Variants in ARG1 observed in about 807,000 individuals in gnomAD.
ARG1 encodes arginase 1.
In ARG1, 20 loss-of-function variants were observed where a neutral mutation model predicts 33.0. That is an observed-to-expected ratio of 0.61 (90% CI 0.43 to 0.88). The LOEUF is 0.88. Ranked by LOEUF, ARG1 falls within the 40% of genes least tolerant of loss-of-function variation. The pLI is 0.00. For synonymous variants in ARG1, 146 were observed against 140.6 expected (o/e 1.04, Z -0.27); for missense variants, 374 against 384.7 (o/e 0.97, Z 0.23).
In ARG1 at chr6:131,581,257, A is replaced by T. The variant is rs1773907667; in HGVS notation, c.344A>T (p.His115Leu). The T allele has an allele frequency of 1.2e-6, 2 of 1,613,744 alleles. No individual in the cohort carries two copies. The highest frequency in any genetic ancestry group is 1.7e-6 in the Non-Finnish European group (2 of 1,179,818). The change falls in exon 4 of 8, where the codon CAC becomes CTC. Residue 115 changes from histidine to leucine, a missense_variant. His to Leu is a moderately conservative substitution (Grantham distance 99, BLOSUM62 -3). Coordinates refer to ENST00000368087, the MANE Select transcript of ARG1 (RefSeq NM_000045.4). ...AGCATCTCTGGCCATGCCAGGGTCC[A>T]CCCTGATCTTGGAGTCATCTGGGTG... ...IGSISGHARV[H>L]PDLGVIWVDA...
rs142107090 is a variant in ARG1, at chr6:131,579,221, G to A, written c.241G>A (p.Ala81Thr). The change falls in exon 3 of 8, where the codon GCT becomes ACT. Residue 81 changes from alanine to threonine, a missense_variant. Coordinates refer to ENST00000368087, the MANE Select transcript of ARG1 (RefSeq NM_000045.4). Reference sequence around the variant, plus strand: ...TGTGGGAAAAGCAAGCGAGCAGCTGGCTGGCAAGGTGGCAGAAGTCAAGAA... The same window carrying A: ...TGTGGGAAAAGCAAGCGAGCAGCTGACTGGCAAGGTGGCAGAAGTCAAGAA... ...RSVGKASEQL[A>T]GKVAEVKKNG... 9 of 1,614,168 alleles carry A rather than the reference G, an allele frequency of 5.6e-6. No homozygotes were observed. Among genetic ancestry groups the A allele is most frequent in the Non-Finnish European group, 7.6e-6 (9 of 1,180,034 alleles).
At chr6:131,579,514 T>A (rs1470174078) in intron 3 of ARG1, 1 of 418,108 alleles carries the variant, frequency 2.4e-6, no homozygotes, top group South Asian at 3.2e-5. Context: ...AGAAAATGTA[T>A]GAAATATGAA....
In ARG1 at chr6:131,583,757, T is replaced by C; in HGVS notation, c.818T>C (p.Leu273Ser). The stretch of plus-strand genomic sequence containing the variant: ...GTTGTTGTAGGGCTACTCTCAGGAT[T>C]AGATATAATGGAAGTGAACCCATCC... ...EIYKTGLLSGLDIMEVNPSLG... is the reference protein window; with the variant it reads ...EIYKTGLLSGSDIMEVNPSLG... Residue 273 changes from leucine (L) to serine (S), a missense_variant, in exon 8 of 8, where the codon TTA becomes TCA. Leu to Ser is a moderately radical substitution (Grantham distance 145, BLOSUM62 -2). Coordinates refer to ENST00000368087, the MANE Select transcript of ARG1 (RefSeq NM_000045.4). 1 of 1,614,010 alleles carries C rather than the reference T, an allele frequency of 6.2e-7. No homozygotes were observed. The highest frequency in any genetic ancestry group is 8.5e-7 in the Non-Finnish European group (1 of 1,179,888).
At chr6:131,574,994 A>T (rs1362459190) in intron 1 of ARG1, among the ~76,000 whole-genome samples, 1 of 152,174 alleles carries the variant, frequency 6.6e-6, no homozygotes, top group Non-Finnish European at 1.5e-5. Flanking sequence ...GCGACCTTAT[A>T]CTTGTGGCCA....
intron 5 of ARG1, 94 bp downstream of exon 5, chr6:131,582,809 A>G (rs1482778248): frequency 1.1e-4 from 114 of 1,037,422 alleles, no homozygotes; most frequent in Non-Finnish European, 2.4e-5. Flanking sequence ...AAAATTAAAC[A>G]TCAAGACACA....
At chr6:131,579,376 A>G in intron 3 of ARG1, 91 bp downstream of exon 3, 1 of 1,434,214 alleles carries the variant, frequency 7.0e-7, no homozygotes, top group South Asian at 1.3e-5. Context: ...TATAGACAGA[A>G]AAGCATTGAC....
At chr6:131,577,188 G>A (rs1430117294) in intron 2 of ARG1, among the ~76,000 whole-genome samples, 3 of 152,160 alleles carry the variant, frequency 2.0e-5, no homozygotes, top group African/African-American at 4.8e-5. Context: ...GCATGCAAAT[G>A]CAAATTTACG....
intron 2 of ARG1, among the ~76,000 whole-genome samples, chr6:131,577,805 T>C (rs1183610085): frequency 1.3e-5 from 2 of 149,534 alleles, no homozygotes; most frequent in African/African-American, 4.9e-5. Context: ...CTTGGGAGGC[T>C]GAGGCAGGAG....
chr6:131,580,675 ATGAG>A (rs1413335177), intron 3 of ARG1, among the ~76,000 whole-genome samples: 1 of 152,218 alleles, frequency 6.6e-6, no homozygotes, highest in Non-Finnish European at 1.5e-5. Flanking sequence ...ATTGAATAGA[ATGAG>A]TGAACACACG....
chr6:131,583,588 T>G, intron 7 of ARG1, 97 bp downstream of exon 7: 1 of 1,552,274 alleles, frequency 6.4e-7, no homozygotes, highest in Non-Finnish European at 8.8e-7. Flanking sequence ...GCTGACACTT[T>G]CAGAATGTCC....
rs541225241 is a variant in ARG1 at position 131,576,998 on chromosome 6, G to C, written c.130+263G>C. ...ATAAATTGTGTGTGCAAGAACGGGG[G>C]TTGGGGTGGATGGTAGGGGAGCCGG... On this transcript the variant is annotated intron_variant, in intron 2 of 7. Transcript: ENST00000368087. 4.6e-5 allele frequency among the ~76,000 whole-genome samples: 7 copies of C among 152,172 alleles called. No homozygotes were observed. The South Asian group carries it at 1.2e-3, about 27-fold the overall frequency.
At chr6:131,582,747 A>G in intron 5 of ARG1, 32 bp downstream of exon 5, 2 of 1,598,408 alleles carry the variant, frequency 1.3e-6, no homozygotes, top group South Asian at 2.2e-5. Context: ...ATTTGCCTCC[A>G]TTTTTGTCCC....
At chr6:131,575,079 C>G (rs1019557332) in intron 1 of ARG1, among the ~76,000 whole-genome samples, 3 of 151,888 alleles carry the variant, frequency 2.0e-5, no homozygotes, top group Admixed American at 6.6e-5. Flanking sequence ...ATAGAGCAAG[C>G]AAGAGGAAAG....
intron 1 of ARG1, among the ~76,000 whole-genome samples, chr6:131,576,141 C>A (rs1474230980): frequency 6.6e-6 from 1 of 152,180 alleles, no homozygotes; most frequent in South Asian, 2.1e-4. Flanking sequence ...ACTGACACAC[C>A]CTGTCCCCAA....
intron 7 of ARG1, 58 bp from the exon 8 acceptor site, chr6:131,583,684 A>C: frequency 5.1e-6 from 8 of 1,576,698 alleles, no homozygotes; most frequent in Non-Finnish European, 7.0e-6. Flanking sequence ...GTCTGTCTGT[A>C]CTACTTTCAA....
chr6:131,573,467 T>C (rs1773472779), intron 1 of ARG1, 128 bp downstream of exon 1: 2 of 854,048 alleles, frequency 2.3e-6, no homozygotes, highest in East Asian at 5.0e-5. Context: ...ATGCATATTT[T>C]AAAGTCCTCT....
rs548053997 is a variant in ARG1, at chr6:131,581,092, C to T, written c.306-127C>T. 4.2e-5 allele frequency: 38 copies of T among 911,528 alleles called. No individual in the cohort carries two copies. The African/African-American group carries it at 5.8e-4, about 14-fold the overall frequency. The allele number at this position is 911,528 out of a possible 1,614,324, so 56.5% of individuals were successfully genotyped here. On this transcript the variant is annotated intron_variant, in intron 3 of 7. Transcript: ENST00000368087. ...TTTTAACTAATTGGCATCTCCAATT[C>T]AGAACCTATCAGAAATATCAGACAC...
rs146621050 is a variant in ARG1 at position 131,580,415 on chromosome 6, C to A, written c.306-804C>A. The stretch of plus-strand genomic sequence containing the variant: ...TGCTTCCACTTCGAGAATCTAAAAG[C>A]TCATGATTCTCTGAATGATACTTAA... On this transcript the variant is annotated intron_variant, in intron 3 of 7. Transcript: ENST00000368087. Among the ~76,000 whole-genome samples the A allele has an allele frequency of 1.2e-4, 19 of 152,306 alleles. 1 individual carries two copies. In the East Asian group the frequency reaches 3.5e-3, roughly 28 times the overall value.
In ARG1 at chr6:131,576,670, G is replaced by A; in HGVS notation, c.65G>A (p.Gly22Glu). 1 of 1,613,930 alleles carries A rather than the reference G, an allele frequency of 6.2e-7. No individual in the cohort carries two copies. The highest frequency in any genetic ancestry group is 8.5e-7 in the Non-Finnish European group (1 of 1,179,804). Residue 22 changes from glycine to glutamate, a missense_variant, in exon 2 of 8, where the codon GGA (glycine) becomes GAA (glutamate). Coordinates refer to ENST00000368087, the MANE Select transcript of ARG1 (RefSeq NM_000045.4). ...GAPFSKGQPR[G>E]GVEEGPTVLR... ...TATTTTTTAATTGTTCAGCCACGAG[G>A]AGGGGTGGAAGAAGGCCCTACAGTA...
Sources: gnomAD v4.1 joint callset for allele counts (sites outside exome capture counted in the v4.1 genomes callset) on GRCh38, gnomAD v4.1.1 for gene constraint, MANE v1.5 for transcripts, NCBI Gene and HGNC (gene_info 2026-07-23, HGNC 2026-07-21) for gene names.